Variants in KCNIP4 observed in about 807,000 individuals in gnomAD.
The protein encoded by KCNIP4 is potassium voltage-gated channel interacting protein 4.
In KCNIP4, 12 loss-of-function variants were observed where a neutral mutation model predicts 34.0. The observed-to-expected ratio is 0.35, with a 90% CI of 0.23 to 0.57. The LOEUF is 0.57. Ranked by LOEUF, KCNIP4 falls within the 20% of genes least tolerant of loss-of-function variation. KCNIP4 has a pLI of 0.83. For missense variants in KCNIP4, 238 were observed against 311.7 expected (o/e 0.76, Z 1.78); for synonymous variants, 124 against 102.2 (o/e 1.21, Z -1.29).
chr4:21,430,843 C>T (rs1279633879), intron 1 of KCNIP4, among the ~76,000 whole-genome samples: 20 of 139,024 alleles, frequency 1.4e-4, no homozygotes, highest in Admixed American at 1.4e-3. Context: ...CACTATACTG[C>T]TTCTAAATTG....
In KCNIP4 at chr4:21,147,902, A is replaced by G. The variant is rs373977840; in HGVS notation, c.62-265193T>C. Among the ~76,000 whole-genome samples the G allele has an allele frequency of 1.7e-3, 245 of 141,446 alleles. 2 individuals carry two copies. Among genetic ancestry groups the G allele is most frequent in the African/African-American group, 6.0e-3 (227 of 38,120 alleles). The allele number at this position is 141,446 out of a possible 152,430, so 92.8% of individuals were successfully genotyped here. A position where few individuals can be genotyped will look rare whatever the true frequency, so the allele number is the denominator to read the frequency against. On this transcript the variant is annotated intron_variant, in intron 1 of 8. Coordinates refer to ENST00000382152, the MANE Select transcript of KCNIP4 (RefSeq NM_025221.6). Reference sequence around the variant, plus strand: ...TGCAGTGAGCCAAGATCACGCCACTACACTCCAGCCTGGACAACAAAAGTG... The same window carrying G: ...TGCAGTGAGCCAAGATCACGCCACTGCACTCCAGCCTGGACAACAAAAGTG...
chr4:21,048,746 G>A (rs1038039951), intron 1 of KCNIP4, among the ~76,000 whole-genome samples: 6 of 152,066 alleles, frequency 3.9e-5, no homozygotes, highest in Admixed American at 3.9e-4. Context: ...TGATAACTGT[G>A]ACCAAACAAT....
chr4:21,306,386 T>TGA (rs1028532646), intron 1 of KCNIP4, among the ~76,000 whole-genome samples: 6 of 152,176 alleles, frequency 3.9e-5, no homozygotes, highest in Admixed American at 1.3e-4. Flanking sequence ...TTCTTTTTTT[T>TGA]GAGAGAGAGA....
At chr4:21,047,552 A>G (rs1391164592) in intron 1 of KCNIP4, among the ~76,000 whole-genome samples, 3 of 152,240 alleles carry the variant, frequency 2.0e-5, no homozygotes, top group Non-Finnish European at 1.5e-5. Context: ...TTACATAAAT[A>G]GAAAGCAGAA....
At position 21,294,387 on chromosome 4, in the gene KCNIP4, G is replaced by A. The variant is rs138822771; in HGVS notation, c.62-411678C>T. Among the ~76,000 whole-genome samples the A allele has an allele frequency of 1.3e-4, 20 of 152,182 alleles. No homozygotes were observed. In the East Asian group the frequency reaches 1.9e-3, roughly 15 times the overall value. ...CCAGCCTCACTACAACTGTGTCATC[G>A]CATTTTGGCATACCTATTAGTTTTA... On this transcript the variant is annotated intron_variant, in intron 1 of 8. Coordinates refer to ENST00000382152, the MANE Select transcript of KCNIP4 (RefSeq NM_025221.6).
chr4:21,697,494 A>G, intron 1 of KCNIP4: 3 of 1,506,976 alleles, frequency 2.0e-6, no homozygotes, highest in Non-Finnish European at 1.8e-6. Context: ...AATAATAATA[A>G]TAATAATAAT....
intron 1 of KCNIP4, among the ~76,000 whole-genome samples, chr4:21,471,683 G>C (rs1388982334): frequency 6.6e-6 from 1 of 152,104 alleles, no homozygotes; most frequent in Non-Finnish European, 1.5e-5. Context: ...TCATAATTCA[G>C]TATCAATCTT....
rs903038737 is a variant in KCNIP4 at position 21,431,142 on chromosome 4, G to A, written c.61+517429C>T. On this transcript the variant is annotated intron_variant, in intron 1 of 8. Transcript: ENST00000382152. ...ATATATTGAATTAAAGAGGAACGAA[G>A]GAGAAGGGCAAGGATATCCAATAAA... Among the ~76,000 whole-genome samples the A allele has an allele frequency of 7.9e-5, 12 of 151,678 alleles. No homozygotes were observed. In the East Asian group the frequency reaches 2.3e-3, roughly 29 times the overall value.
chr4:21,092,394 A>G (rs779164983), intron 1 of KCNIP4, among the ~76,000 whole-genome samples: 52 of 152,156 alleles, frequency 3.4e-4, no homozygotes, highest in Admixed American at 7.9e-4. Context: ...GCCAGAGTAT[A>G]TGCCATTTTT....
intron 1 of KCNIP4, among the ~76,000 whole-genome samples, chr4:20,963,022 G>C (rs1733995313): frequency 6.6e-6 from 1 of 152,058 alleles, no homozygotes; most frequent in South Asian, 2.1e-4. Flanking sequence ...ATTGAAATGG[G>C]AGCATGATTT....
At chr4:21,646,200 G>A (rs1746999550) in intron 1 of KCNIP4, among the ~76,000 whole-genome samples, 1 of 152,124 alleles carries the variant, frequency 6.6e-6, no homozygotes, top group African/African-American at 2.4e-5. Context: ...TTGGCCTTAT[G>A]CTGTCAGACT....
In KCNIP4 at chr4:21,644,091, A is replaced by G. The variant is rs577122522; in HGVS notation, c.61+304480T>C. 9.9e-4 allele frequency among the ~76,000 whole-genome samples: 151 copies of G among 152,254 alleles called. 4 individuals carry two copies. In the South Asian group the frequency reaches 0.025, roughly 25 times the overall value. On this transcript the variant is annotated intron_variant, in intron 1 of 8. Transcript: ENST00000382152. ...GTGTCCTGGTTTTAAAAAAAAAATC[A>G]AACAAAACCTTGGAAGAGTAATTTG...
chr4:21,076,563 T>A (rs1270656782), intron 1 of KCNIP4, among the ~76,000 whole-genome samples: 7 of 152,184 alleles, frequency 4.6e-5, no homozygotes, highest in Non-Finnish European at 1.0e-4. Context: ...TCAATAAAAA[T>A]TGTTAATTGA....
At chr4:21,941,801 C>T (rs1329223980) in intron 1 of KCNIP4, among the ~76,000 whole-genome samples, 1 of 152,120 alleles carries the variant, frequency 6.6e-6, no homozygotes, top group Non-Finnish European at 1.5e-5. Context: ...GAAAAATCAG[C>T]CTTAACATGA....
chr4:20,812,804 G>T (rs965470588), intron 3 of KCNIP4, among the ~76,000 whole-genome samples: 1 of 152,188 alleles, frequency 6.6e-6, no homozygotes, highest in East Asian at 1.9e-4. Context: ...TTGGAACCAT[G>T]AGGTGCAAAC....
At chr4:21,117,102 A>C (rs1749741818) in intron 1 of KCNIP4, among the ~76,000 whole-genome samples, 1 of 152,050 alleles carries the variant, frequency 6.6e-6, no homozygotes, top group Non-Finnish European at 1.5e-5. Flanking sequence ...CATTTCACAA[A>C]CGGGGAAAGT....
Position 21,043,702 on chromosome 4 carries a change from T to C in KCNIP4, c.62-160993A>G, listed in dbSNP as rs577368253. Among the ~76,000 whole-genome samples the C allele has an allele frequency of 1.1e-3, 173 of 152,250 alleles. 4 individuals carry two copies. In the South Asian group the frequency reaches 0.033, roughly 29 times the overall value. ...TAGAAGCAATGTTTTTGGATGCTAA[T>C]ATATGCCAGAAACTGCTATTTTTTC... On this transcript the variant is annotated intron_variant, in intron 1 of 8. Coordinates refer to ENST00000382152, the MANE Select transcript of KCNIP4 (RefSeq NM_025221.6).
chr4:21,589,180 A>G lies in KCNIP4; in HGVS notation c.61+359391T>C, dbSNP rs1213709940. On this transcript the variant is annotated intron_variant, in intron 1 of 8. Transcript: ENST00000382152. ...TGTATATATATATATATATATATATATATATATATATATATATATATGTGT... is the reference window on the plus strand; with the variant it reads ...TGTATATATATATATATATATATATGTATATATATATATATATATATGTGT... Among the ~76,000 whole-genome samples, 191 of 70,892 alleles carry G rather than the reference A, an allele frequency of 2.7e-3. 5 individuals are homozygous for G. Among genetic ancestry groups the G allele is most frequent in the African/African-American group, 9.8e-3 (175 of 17,856 alleles). The allele number at this position is 70,892 out of a possible 152,430, so 46.5% of individuals were successfully genotyped here.
At chr4:21,150,402 C>A (rs1407369809) in intron 1 of KCNIP4, among the ~76,000 whole-genome samples, 1 of 144,962 alleles carries the variant, frequency 6.9e-6, no homozygotes, top group Non-Finnish European at 1.5e-5. Context: ...ACTTGCAAAG[C>A]CACCATTGAT....
Sources: gnomAD v4.1 joint callset for allele counts (sites outside exome capture counted in the v4.1 genomes callset) on GRCh38, gnomAD v4.1.1 for gene constraint, MANE v1.5 for transcripts, NCBI Gene and HGNC (gene_info 2026-07-23, HGNC 2026-07-21) for gene names.